The following SOBP variants were observed in gnomAD, a reference collection of about 807,000 sequenced individuals.
The protein encoded by SOBP is sine oculis binding protein homolog.
In SOBP, 4 loss-of-function variants were observed where a neutral mutation model predicts 53.6. The observed-to-expected ratio is 0.07, with a 90% CI of 0.04 to 0.17. SOBP has a LOEUF of 0.17. SOBP is among the 10% of genes least tolerant of loss of function. SOBP has a pLI of 1.00. For synonymous variants in SOBP, 584 were observed against 522.6 expected (o/e 1.12, Z -1.60); for missense variants, 1,088 against 1,204.7 (o/e 0.90, Z 1.43).
At chr6:107,647,935 A>G (rs1771630623) in intron 6 of SOBP, among the ~76,000 whole-genome samples, 2 of 152,178 alleles carry the variant, frequency 1.3e-5, no homozygotes, top group Non-Finnish European at 2.9e-5. Flanking sequence ...CACACTCTCC[A>G]TCATTTTTGC....
rs775958238 is a variant in SOBP at position 107,490,587 on chromosome 6, T to C, written c.-30T>C. ...CACCGCCGGCGGCGGCAGCAGCCATTTCATCTCCACAGAAACCAGACACAA... is the reference window on the plus strand; with the variant it reads ...CACCGCCGGCGGCGGCAGCAGCCATCTCATCTCCACAGAAACCAGACACAA... On this transcript the variant is annotated 5_prime_UTR_variant, in exon 1 of 7. Transcript: ENST00000317357. The C allele has an allele frequency of 6.4e-7, 1 of 1,558,916 alleles. No homozygotes were observed. Among genetic ancestry groups the C allele is most frequent in the South Asian group, 1.2e-5 (1 of 86,624 alleles).
intron 4 of SOBP, among the ~76,000 whole-genome samples, chr6:107,556,669 A>G (rs934591630): frequency 1.3e-5 from 2 of 152,236 alleles, no homozygotes; most frequent in Non-Finnish European, 2.9e-5. Context: ...CCTAGTCTAT[A>G]AGCCTTGACT....
At chr6:107,642,502 A>G (rs1053842776) in intron 6 of SOBP, among the ~76,000 whole-genome samples, 2 of 152,242 alleles carry the variant, frequency 1.3e-5, no homozygotes, top group Non-Finnish European at 2.9e-5. Flanking sequence ...GGACTGAATT[A>G]ATGATCATAA....
chr6:107,496,107 G>A (rs534804997), intron 1 of SOBP, among the ~76,000 whole-genome samples: 12 of 152,310 alleles, frequency 7.9e-5, no homozygotes, highest in Admixed American at 2.6e-4. Flanking sequence ...TCTGTAGACC[G>A]ATGGGTGTTA....
intron 4 of SOBP, among the ~76,000 whole-genome samples, chr6:107,553,722 G>A (rs556053919): frequency 3.6e-4 from 54 of 152,044 alleles, no homozygotes; most frequent in African/African-American, 9.6e-4. Flanking sequence ...TCCTGACCTC[G>A]TGATCCACCC....
At position 107,544,455 on chromosome 6, in the gene SOBP, G is replaced by A. The variant is rs575546147; in HGVS notation, c.573+10845G>A. On this transcript the variant is annotated intron_variant, in intron 4 of 6. Transcript: ENST00000317357. ...GACAGATGTTTATTTAAATAATAACGCAAATGTGAAGTCGTCACTGTGGCA... is the reference window on the plus strand; with the variant it reads ...GACAGATGTTTATTTAAATAATAACACAAATGTGAAGTCGTCACTGTGGCA... Among the ~76,000 whole-genome samples the A allele has an allele frequency of 5.3e-5, 8 of 152,252 alleles. No homozygotes were observed. In the South Asian group the frequency reaches 6.2e-4, roughly 12 times the overall value.
chr6:107,538,447 T>C (rs1266101837), intron 4 of SOBP, among the ~76,000 whole-genome samples: 1 of 152,230 alleles, frequency 6.6e-6, no homozygotes, highest in Non-Finnish European at 1.5e-5. Flanking sequence ...TCAGGCCACA[T>C]ACTTGCTTTT....
At chr6:107,657,189 G>C (rs1407195920) in intron 6 of SOBP, among the ~76,000 whole-genome samples, 4 of 152,184 alleles carry the variant, frequency 2.6e-5, no homozygotes, top group South Asian at 2.1e-4. Flanking sequence ...AACTGACTGA[G>C]TGGCCTCAGG....
intron 5 of SOBP, chr6:107,621,165 A>G (rs1348132797): frequency 9.9e-6 from 8 of 805,126 alleles, no homozygotes; most frequent in Non-Finnish European, 1.2e-5. Context: ...AGCTATATAA[A>G]TAACAGGTGT....
Position 107,635,139 on chromosome 6 carries a change from G to A in SOBP, c.2295G>A (p.Val765=), listed in dbSNP as rs1321650229. ...KKLLSPEEPA[V]SELESVKENN... ...TGCTGTCGCCTGAGGAACCGGCGGT[G>A]AGCGAGCTAGAGTCGGTCAAGGAGA... Residue 765 remains valine, a synonymous_variant, in exon 6 of 7, where the codon GTG becomes GTA. Coordinates refer to ENST00000317357, the MANE Select transcript of SOBP (RefSeq NM_018013.4). This position sits in a 1 kb window ranked among gnomAD's most constrained non-coding sequence, Gnocchi z 4.5. 6.2e-7 allele frequency: 1 copy of A among 1,613,146 alleles called. No homozygotes were observed. The highest frequency in any genetic ancestry group is 8.5e-7 in the Non-Finnish European group (1 of 1,179,768).
At chr6:107,532,123 A>G (rs1286016486) in intron 3 of SOBP, among the ~76,000 whole-genome samples, 2 of 152,136 alleles carry the variant, frequency 1.3e-5, no homozygotes, top group Admixed American at 6.5e-5. Context: ...AGACAACACT[A>G]TACGAGTGCT....
intron 4 of SOBP, among the ~76,000 whole-genome samples, chr6:107,580,237 A>G (rs1785360204): frequency 6.6e-6 from 1 of 152,218 alleles, no homozygotes; most frequent in African/African-American, 2.4e-5. Flanking sequence ...TCCAGGAGAA[A>G]GCCCTCCACC....
intron 3 of SOBP, among the ~76,000 whole-genome samples, chr6:107,526,537 A>G (rs1031711772): frequency 6.6e-6 from 1 of 152,086 alleles, no homozygotes; most frequent in Non-Finnish European, 1.5e-5. Context: ...GACCCAACTC[A>G]AATGCCGTGC....
rs180942904 is a variant in SOBP at position 107,518,445 on chromosome 6, T to A, written c.421+12018T>A. On this transcript the variant is annotated intron_variant, in intron 3 of 6. Transcript: ENST00000317357. Reference sequence around the variant, plus strand: ...AAAGCTGATTGGCAATATCTATTAATGCTGAACATACACATATGCAATAAT... The same window carrying A: ...AAAGCTGATTGGCAATATCTATTAAAGCTGAACATACACATATGCAATAAT... Among the ~76,000 whole-genome samples, 26 of 152,324 alleles carry A rather than the reference T, an allele frequency of 1.7e-4. No homozygotes were observed. In the East Asian group the frequency reaches 3.9e-3, roughly 23 times the overall value.
Position 107,635,340 on chromosome 6 carries a change from A to G in SOBP, c.2496A>G (p.Pro832=), listed in dbSNP as rs1254040485. The change falls in exon 6 of 7, where the codon CCA becomes CCG. Residue 832 remains proline, a synonymous_variant. Coordinates refer to ENST00000317357, the MANE Select transcript of SOBP (RefSeq NM_018013.4). The surrounding 1 kb of genome is among the most constrained non-coding windows in gnomAD (Gnocchi z 4.5). ...PKTGCVIQPV[P]KPAEKAAMAP... Reference sequence around the variant, plus strand: ...CCGGCTGCGTGATCCAGCCTGTGCCAAAACCCGCGGAGAAGGCTGCCATGG... The same window carrying G: ...CCGGCTGCGTGATCCAGCCTGTGCCGAAACCCGCGGAGAAGGCTGCCATGG... 3 of 1,613,608 alleles carry G rather than the reference A, an allele frequency of 1.9e-6. No individual in the cohort carries two copies. Among genetic ancestry groups the G allele is most frequent in the African/African-American group, 1.3e-5 (1 of 75,032 alleles).
intron 6 of SOBP, among the ~76,000 whole-genome samples, chr6:107,643,526 C>T (rs1310586887): frequency 6.6e-6 from 1 of 152,122 alleles, no homozygotes; most frequent in Non-Finnish European, 1.5e-5. Flanking sequence ...AAGCAATTCT[C>T]CTGCCTCAGC....
chr6:107,499,683 T>G (rs1439444281), intron 1 of SOBP, among the ~76,000 whole-genome samples: 9 of 152,244 alleles, frequency 5.9e-5, no homozygotes, highest in African/African-American at 2.2e-4. Context: ...ATTTTATTTC[T>G]TATATAAGTA....
In SOBP at chr6:107,616,122, G is replaced by A. The variant is rs556908395; in HGVS notation, c.670-17392G>A. 1.5e-4 allele frequency among the ~76,000 whole-genome samples: 22 copies of A among 150,034 alleles called. No homozygotes were observed. The South Asian group carries it at 4.7e-3, about 32-fold the overall frequency. On this transcript the variant is annotated intron_variant, in intron 5 of 6. Coordinates refer to ENST00000317357, the MANE Select transcript of SOBP (RefSeq NM_018013.4). ...GGGGGGCGGCTTCAGCCATTGTGGA[G>A]TCTCTAATAAATCAGGAGCTTTTCT...
At chr6:107,603,612 T>C (rs889647672) in intron 5 of SOBP, among the ~76,000 whole-genome samples, 2 of 152,116 alleles carry the variant, frequency 1.3e-5, no homozygotes, top group African/African-American at 2.4e-5. Flanking sequence ...TTAAGTACGA[T>C]GTAATGGAAG....
Sources: gnomAD v4.1 joint callset for allele counts (sites outside exome capture counted in the v4.1 genomes callset) on GRCh38, gnomAD v4.1.1 for gene constraint, Gnocchi (gnomAD v3.1) non-coding constraint, MANE v1.5 for transcripts, NCBI Gene and HGNC (gene_info 2026-07-23, HGNC 2026-07-21) for gene names.